The following ARMC12 variants were observed in gnomAD, a reference collection of about 807,000 sequenced individuals.
ARMC12 encodes armadillo repeat-containing protein 12.
In ARMC12, 25 loss-of-function variants were observed where a neutral mutation model predicts 37.4. That is an observed-to-expected ratio of 0.67 (90% confidence interval 0.49 to 0.93). ARMC12 has a LOEUF of 0.93. Ranked by LOEUF, ARMC12 falls within the 40% of genes least tolerant of loss-of-function variation. The pLI, the probability that ARMC12 is intolerant of heterozygous loss-of-function variation, is 0.00. For synonymous variants in ARMC12, 167 were observed against 176.1 expected, an observed-to-expected ratio of 0.95 and a Z score of 0.41; for missense variants, 384 against 426.6, an observed-to-expected ratio of 0.90 and a Z score of 0.88.
At chr6:35,737,344 G>A (rs1362292958) in intron 1 of ARMC12, 73 bp downstream of exon 1, 1 of 1,614,060 alleles carries the variant, frequency 6.2e-7, no homozygotes, top group Non-Finnish European at 8.5e-7. Context: ...GCTGTGGGAG[G>A]GCCCAAAGGT....
intron 3 of ARMC12, among the ~76,000 whole-genome samples, chr6:35,744,293 C>T (rs973019527): frequency 2.6e-5 from 4 of 151,938 alleles, no homozygotes; most frequent in African/African-American, 9.7e-5. Flanking sequence ...AGGTGTACAC[C>T]ACCATGCCCA....
chr6:35,735,536 C>T (rs541505802), upstream of ARMC12, among the ~76,000 whole-genome samples: 13 of 152,320 alleles, frequency 8.5e-5, 1 homozygote, highest in South Asian at 2.7e-3. This position sits in a 1 kb window ranked among gnomAD's most constrained non-coding sequence, Gnocchi z 4.0. Context: ...GTTTCCCTAC[C>T]TCCTTCCATC....
chr6:35,736,239 C>G (rs543315975), upstream of ARMC12, among the ~76,000 whole-genome samples: 1 of 152,196 alleles, frequency 6.6e-6, no homozygotes, highest in Non-Finnish European at 1.5e-5. Flanking sequence ...GGATTTGCCT[C>G]AAGAGTCTGT....
intron 3 of ARMC12, among the ~76,000 whole-genome samples, chr6:35,743,650 G>T (rs1270289665): frequency 6.6e-6 from 1 of 152,126 alleles, no homozygotes; most frequent in Non-Finnish European, 1.5e-5. Flanking sequence ...CCCTGTGCTT[G>T]TGGAATTTAT....
intron 5 of ARMC12, among the ~76,000 whole-genome samples, chr6:35,748,227 C>T (rs1489947153): frequency 1.3e-5 from 2 of 152,114 alleles, no homozygotes; most frequent in Non-Finnish European, 2.9e-5. Flanking sequence ...ATACTCAGAA[C>T]AGTCTACAAG....
chr6:35,747,238 C>T (rs1434046957), intron 3 of ARMC12, 23 bp from the exon 4 acceptor site: 2 of 1,601,708 alleles, frequency 1.2e-6, no homozygotes, highest in Admixed American at 1.7e-5. Context: ...AAAAGTAAGC[C>T]CTTTTGTTCT....
intron 3 of ARMC12, among the ~76,000 whole-genome samples, chr6:35,743,911 C>G (rs1418697995): frequency 6.7e-6 from 1 of 149,484 alleles, no homozygotes; most frequent in Non-Finnish European, 1.5e-5. Flanking sequence ...CCACATTGCA[C>G]TCCAGCCTGT....
At position 35,748,724 on chromosome 6, in the gene ARMC12, C is replaced by G. The variant is rs773779105; in HGVS notation, c.877C>G (p.Arg293Gly). The change falls in exon 6 of 6, where the codon CGA becomes GGA. Residue 293 changes from arginine to glycine, a missense_variant. Physicochemically the swap from Arg to Gly is moderately radical, Grantham distance 125. Transcript: ENST00000373866. Reference sequence around the variant, plus strand: ...TGGGGAAGAGTCCCGACTGGCAGACCGACTACTTGCCCTGGTCATCCACCC... The same window carrying G: ...TGGGGAAGAGTCCCGACTGGCAGACGGACTACTTGCCCTGGTCATCCACCC... ...LFGEESRLAD[R>G]LLALVIHPEE... 1.2e-6 allele frequency: 2 copies of G among 1,614,162 alleles called. No individual in the cohort carries two copies. The highest frequency in any genetic ancestry group is 1.7e-6 in the Non-Finnish European group (2 of 1,180,032).
intron 2 of ARMC12, 75 bp downstream of exon 2, chr6:35,738,247 C>T (rs1237313165): frequency 6.6e-6 from 10 of 1,514,512 alleles, no homozygotes; most frequent in Non-Finnish European, 9.0e-6. Flanking sequence ...CCTGGAATGG[C>T]CAGACTATAT....
intron 5 of ARMC12, 136 bp from the exon 6 acceptor site, chr6:35,748,402 A>G (rs1767403459): frequency 1.6e-6 from 1 of 621,682 alleles, no homozygotes; most frequent in Admixed American, 4.1e-5. Flanking sequence ...AATAAAAGAA[A>G]AACTAAAAAA....
chr6:35,746,956 A>G (rs1175759973), intron 3 of ARMC12, among the ~76,000 whole-genome samples: 1 of 148,928 alleles, frequency 6.7e-6, no homozygotes, highest in African/African-American at 2.5e-5. Flanking sequence ...AGTCACCAGC[A>G]TGTGGATCGT....
intron 3 of ARMC12, among the ~76,000 whole-genome samples, chr6:35,746,994 C>T (rs554374206): frequency 3.7e-5 from 5 of 136,798 alleles, no homozygotes; most frequent in East Asian, 2.2e-4. Flanking sequence ...TGGATGATAC[C>T]GGTATGGGAG....
rs541722832 is a variant in ARMC12, at chr6:35,748,859, A to T, written c.1012A>T (p.Asn338Tyr). 3 of 1,609,316 alleles carry T rather than the reference A, an allele frequency of 1.9e-6. No homozygotes were observed. In the South Asian group the frequency reaches 3.3e-5, roughly 18 times the overall value. The change falls in exon 6 of 6, where the codon AAC becomes TAC. Residue 338 changes from asparagine to tyrosine, a missense_variant. Coordinates refer to ENST00000373866, the MANE Select transcript of ARMC12 (RefSeq NM_001286574.2). Reference sequence around the variant, plus strand: ...CCAGCCCAGTCGTTCCTACTTTAAAAACACGGAATAAAATTAAGGAGAGCC... The same window carrying T: ...CCAGCCCAGTCGTTCCTACTTTAAATACACGGAATAAAATTAAGGAGAGCC... ...SCQPSRSYFK[N>Y]TE
chr6:35,737,490 C>T (rs936639708), intron 1 of ARMC12: 1 of 1,358,514 alleles, frequency 7.4e-7, no homozygotes, highest in South Asian at 1.4e-5. Flanking sequence ...GATCCTCAGA[C>T]TCATCTGGCA....
At chr6:35,738,588 A>G in intron 3 of ARMC12, 70 bp downstream of exon 3, 1 of 1,556,908 alleles carries the variant, frequency 6.4e-7, no homozygotes, top group Non-Finnish European at 8.7e-7. Flanking sequence ...TTGCCATAGG[A>G]TAAATGGTCA....
Position 35,747,487 on chromosome 6 carries a change from T to C in ARMC12, c.618+53T>C, listed in dbSNP as rs937194629. On this transcript the variant is annotated intron_variant, in intron 4 of 5. Transcript: ENST00000373866. Reference sequence around the variant, plus strand: ...GCCTTGCTGACCAGCCCTAGCACAGTACTTAGAGGGAGGAGCAGAGGTTTA... The same window carrying C: ...GCCTTGCTGACCAGCCCTAGCACAGCACTTAGAGGGAGGAGCAGAGGTTTA... The C allele has an allele frequency of 5.6e-6, 9 of 1,612,310 alleles. No individual in the cohort carries two copies. The African/African-American group carries it at 1.2e-4, about 22-fold the overall frequency.
In ARMC12 at chr6:35,746,694, G is replaced by A. The variant is rs559444622; in HGVS notation, c.445-567G>A. 2.6e-5 allele frequency among the ~76,000 whole-genome samples: 4 copies of A among 152,280 alleles called. No individual in the cohort carries two copies. In the South Asian group the frequency reaches 8.3e-4, roughly 32 times the overall value. ...TAGTGCCTACAGGATTTTCTGAAGG[G>A]TTGGAAAAGGAGTGTGAGAGAAAGA... On this transcript the variant is annotated intron_variant, in intron 3 of 5. Coordinates refer to ENST00000373866, the MANE Select transcript of ARMC12 (RefSeq NM_001286574.2).
chr6:35,746,095 G>T (rs750709963), intron 3 of ARMC12, among the ~76,000 whole-genome samples: 6 of 151,994 alleles, frequency 3.9e-5, no homozygotes, highest in Non-Finnish European at 5.9e-5. Context: ...TTAAAGAAAT[G>T]AAAATGTGTG....
rs140012191 is a variant in ARMC12 at position 35,740,480 on chromosome 6, T to G, written c.444+1962T>G. 7.4e-4 allele frequency among the ~76,000 whole-genome samples: 113 copies of G among 152,246 alleles called. 2 individuals carry two copies. In the East Asian group the frequency reaches 0.018, roughly 24 times the overall value. ...AACCAAAAAAGCCTCTCCCTTGACC[T>G]CCACATCTCTTCCTGGCAAATAGTC... On this transcript the variant is annotated intron_variant, in intron 3 of 5. Coordinates refer to ENST00000373866, the MANE Select transcript of ARMC12 (RefSeq NM_001286574.2).
Sources: gnomAD v4.1 joint callset for allele counts (sites outside exome capture counted in the v4.1 genomes callset) on GRCh38, gnomAD v4.1.1 for gene constraint, Gnocchi (gnomAD v3.1) non-coding constraint, MANE v1.5 for transcripts, NCBI Gene and HGNC (gene_info 2026-07-23, HGNC 2026-07-21) for gene names.